ASIP: variants seen among roughly 807,000 people sequenced by gnomAD.
ASIP encodes agouti-signaling protein.
ASIP carries 11 observed loss-of-function variants against 10.3 expected under a neutral mutation model. That is an observed-to-expected ratio of 1.07 (90% CI 0.68 to 1.78). The LOEUF is 1.78. Ranked by LOEUF, ASIP falls within the 40% of genes most tolerant of loss-of-function variation. The probability of loss-of-function intolerance (pLI) is 0.00; values close to 1 mark genes in which losing one functional copy is unlikely to be tolerated. For missense variants in ASIP, 180 were observed against 169.2 expected (o/e 1.06, Z -0.35); for synonymous variants, 70 against 70.8 (o/e 0.99, Z 0.06).
At chr20:34,238,270 C>A (rs2035237175), upstream of ASIP, among the ~76,000 whole-genome samples, 1 of 152,082 alleles carries the variant, frequency 6.6e-6, no homozygotes, top group Non-Finnish European at 1.5e-5. Context: ...GATGGCTAGA[C>A]TTCTGAGAGA....
intron 1 of ASIP, among the ~76,000 whole-genome samples, chr20:34,195,595 A>G (rs2034850161): frequency 2.0e-5 from 3 of 152,208 alleles, no homozygotes; most frequent in Non-Finnish European, 4.4e-5. Context: ...TCACTCCAAC[A>G]TACTGTTAGA....
rs531711986 is a variant in ASIP, at chr20:34,215,613, G to A, written c.-11+20853G>A. ...GGTATAAAGGTCTTCTCTGGTTGGG[G>A]ATTCAGCATCTGAGCTTGCAGCCAT... On this transcript the variant is annotated intron_variant, in intron 1 of 3. Coordinates refer to the ASIP transcript ENST00000568305. The A allele has an allele frequency of 6.0e-6, 9 of 1,491,532 alleles. No homozygotes were observed. The South Asian group carries it at 1.0e-4, about 17-fold the overall frequency. 92.4% of individuals were successfully genotyped at this position (1,491,532 alleles called of 1,614,324 possible). A position where few individuals can be genotyped will look rare whatever the true frequency, so the allele number is the denominator to read the frequency against.
At chr20:34,260,286 A>G (rs2035666304) in intron 1 of ASIP, 79 bp from the exon 2 acceptor site, 1 of 1,441,126 alleles carries the variant, frequency 6.9e-7, no homozygotes, top group Non-Finnish European at 9.4e-7. Context: ...ACCAGCCCAA[A>G]GAAGCACAAA....
In ASIP at chr20:34,260,277, C is replaced by T. The variant is rs917724825; in HGVS notation, c.-10-88C>T. 3 of 1,387,098 alleles carry T rather than the reference C, an allele frequency of 2.2e-6. No homozygotes were observed. The African/African-American group carries it at 4.3e-5, about 20-fold the overall frequency. The allele number at this position is 1,387,098 out of a possible 1,614,324, so 85.9% of individuals were successfully genotyped here. ...ACACTTGCCTAACAGGGTCACAACA[C>T]CAGCCCAAAGAAGCACAAAGAAAGC... On this transcript the variant is annotated intron_variant, in intron 1 of 3. Coordinates refer to ENST00000374954, the MANE Select transcript of ASIP (RefSeq NM_001672.3).
intron 1 of ASIP, among the ~76,000 whole-genome samples, chr20:34,227,407 C>T (rs575481055): frequency 5.3e-5 from 8 of 151,972 alleles, no homozygotes; most frequent in Admixed American, 1.3e-4. Context: ...CCGAGGCAGG[C>T]GGATCACGAG....
chr20:34,241,625 G>C, intron 1 of ASIP, 136 bp downstream of exon 1: 2 of 736,416 alleles, frequency 2.7e-6, no homozygotes, highest in Non-Finnish European at 3.3e-6. Context: ...TTGTGGGTCA[G>C]AGTAGTTAAG....
chr20:34,199,234 G>C (rs976684104), intron 1 of ASIP, among the ~76,000 whole-genome samples: 5 of 151,914 alleles, frequency 3.3e-5, no homozygotes, highest in Non-Finnish European at 4.4e-5. Context: ...TCTTATTGAT[G>C]GACACATGGA....
At chr20:34,213,428 G>A in intron 1 of ASIP, 1 of 865,806 alleles carries the variant, frequency 1.2e-6, no homozygotes, top group Non-Finnish European at 1.8e-6. Flanking sequence ...AAATGTGAAA[G>A]TGGCTTTGGA....
chr20:34,245,841 AAT>A (rs919441045), intron 1 of ASIP: 248 of 764,668 alleles, frequency 3.2e-4, no homozygotes, highest in Middle Eastern at 1.8e-3. Flanking sequence ...TTTACTGTAG[AAT>A]ATATATATAT....
In ASIP at chr20:34,205,650, A is replaced by G. The variant is rs982063997; in HGVS notation, c.-11+10890A>G. On this transcript the variant is annotated intron_variant, in intron 1 of 3. Coordinates refer to the ASIP transcript ENST00000568305. ...CCACCCACATCCTGTCGCTTGGTCTATTTTACAGAGCGCTGATTTCTCCAT... is the reference window on the plus strand; with the variant it reads ...CCACCCACATCCTGTCGCTTGGTCTGTTTTACAGAGCGCTGATTTCTCCAT... 2.8e-5 allele frequency among the ~76,000 whole-genome samples: 4 copies of G among 143,160 alleles called. 1 individual carries two copies. The highest frequency in any genetic ancestry group is 2.2e-4 in the South Asian group (1 of 4,508). The allele number at this position is 143,160 out of a possible 152,430, so 93.9% of individuals were successfully genotyped here. A position where few individuals can be genotyped will look rare whatever the true frequency, so the allele number is the denominator to read the frequency against.
intron 1 of ASIP, among the ~76,000 whole-genome samples, chr20:34,231,897 G>A (rs1318888146): frequency 2.0e-5 from 3 of 152,140 alleles, no homozygotes; most frequent in Admixed American, 6.5e-5. Context: ...ATATGTCAGG[G>A]GTAGGATTTG....
intron 1 of ASIP, among the ~76,000 whole-genome samples, chr20:34,218,278 C>T (rs1251316219): frequency 6.6e-6 from 1 of 152,188 alleles, no homozygotes; most frequent in Admixed American, 6.5e-5. Context: ...GGGTAAAAAA[C>T]TCCCACAAAT....
chr20:34,252,495 T>C (rs2035493315), intron 1 of ASIP, among the ~76,000 whole-genome samples: 1 of 152,156 alleles, frequency 6.6e-6, no homozygotes, highest in Admixed American at 6.6e-5. Context: ...AGAGCAGTAT[T>C]GTTGTCAGTA....
the ASIP span, among the ~76,000 whole-genome samples, chr20:34,188,838 CAAAA>C: frequency 1.3e-5 from 2 of 152,078 alleles, no homozygotes; most frequent in Non-Finnish European, 2.9e-5. Context: ...GGAGCCCAAA[CAAAA>C]TTACTATTTG....
chr20:34,202,965 C>G (rs1019601807), intron 1 of ASIP, among the ~76,000 whole-genome samples: 1 of 152,018 alleles, frequency 6.6e-6, no homozygotes, highest in South Asian at 2.1e-4. Context: ...CCCGCCACTA[C>G]GCCCGGCTAA....
intron 3 of ASIP, 107 bp downstream of exon 3, chr20:34,263,000 C>A: frequency 1.6e-6 from 2 of 1,283,002 alleles, no homozygotes; most frequent in Non-Finnish European, 1.1e-6. Flanking sequence ...ATTTTTCAGG[C>A]CTATATTAAC....
intron 1 of ASIP, among the ~76,000 whole-genome samples, chr20:34,243,646 G>A (rs1003292903): frequency 4.0e-5 from 6 of 151,152 alleles, no homozygotes; most frequent in African/African-American, 1.5e-4. Flanking sequence ...TAGTCTCGAT[G>A]GATAAATTTG....
chr20:34,223,759 G>A lies in ASIP; in HGVS notation c.-11+28999G>A, dbSNP rs1296950403. Reference sequence around the variant, plus strand: ...GAGAACGGGCCAGGATGACAATGGCGGCTTTGTGGAATAGAAAGGCGGGAA... The same window carrying A: ...GAGAACGGGCCAGGATGACAATGGCAGCTTTGTGGAATAGAAAGGCGGGAA... On this transcript the variant is annotated intron_variant, in intron 1 of 3. Transcript: ENST00000568305. Among the ~76,000 whole-genome samples, 36 of 135,196 alleles carry A rather than the reference G, an allele frequency of 2.7e-4. No homozygotes were observed. In the South Asian group the frequency reaches 7.2e-3, roughly 27 times the overall value. 88.7% of individuals were successfully genotyped at this position (135,196 alleles called of 152,430 possible).
At chr20:34,200,094 G>T (rs1398395004) in intron 1 of ASIP, among the ~76,000 whole-genome samples, 1 of 152,140 alleles carries the variant, frequency 6.6e-6, no homozygotes, top group Non-Finnish European at 1.5e-5. Flanking sequence ...TTTAAGATTA[G>T]TGCCTTTTCA....
Sources: gnomAD v4.1 joint callset for allele counts (sites outside exome capture counted in the v4.1 genomes callset) on GRCh38, gnomAD v4.1.1 for gene constraint, MANE v1.5 for transcripts, NCBI Gene and HGNC (gene_info 2026-07-23, HGNC 2026-07-21) for gene names.